Variants in AMOT observed in about 807,000 individuals in gnomAD.
AMOT encodes the protein angiomotin.
AMOT carries 11 observed loss-of-function variants against 67.0 expected under a neutral mutation model. The observed-to-expected ratio is 0.16, with a 90% CI of 0.10 to 0.27. The LOEUF (loss-of-function observed/expected upper bound fraction) is 0.27, where lower values mean the gene tolerates loss of function less well. AMOT is among the 10% of genes least tolerant of loss of function. The pLI is 1.00. For missense variants in AMOT, 753 were observed against 852.0 expected, an observed-to-expected ratio of 0.88 and a Z score of 1.45; for synonymous variants, 326 against 321.4, an observed-to-expected ratio of 1.01 and a Z score of -0.15.
At chrX:112,791,158 T>A (rs1435872028) in intron 9 of AMOT, among the ~76,000 whole-genome samples, 1 of 109,103 alleles carries the variant, frequency 9.2e-6, no homozygotes, top group African/African-American at 3.4e-5. Context: ...GGCAGGTGGA[T>A]CACCTGAGGT....
At chrX:112,820,309 G>A (rs1451328802) in intron 4 of AMOT, among the ~76,000 whole-genome samples, 2 of 111,321 alleles carry the variant, frequency 1.8e-5, no homozygotes, top group Non-Finnish European at 3.8e-5. Context: ...GAAAGAAAGA[G>A]AAATCCACAG....
At chrX:112,831,762 G>C (rs1934994634) in intron 2 of AMOT, among the ~76,000 whole-genome samples, 1 of 109,485 alleles carries the variant, frequency 9.1e-6, no homozygotes, top group Non-Finnish European at 1.9e-5. Context: ...GGTCATAAGA[G>C]AGGGCTGGAC....
chrX:112,794,472 C>T (rs1374551147), intron 8 of AMOT, among the ~76,000 whole-genome samples: 1 of 111,605 alleles, frequency 9.0e-6, no homozygotes, highest in African/African-American at 3.3e-5. Flanking sequence ...GTGCAACTCA[C>T]CCATAAACAT....
At chrX:112,824,905 C>T (rs1934805364) in intron 3 of AMOT, among the ~76,000 whole-genome samples, 167 bp downstream of exon 3, 1 of 110,933 alleles carries the variant, frequency 9.0e-6, no homozygotes, top group Admixed American at 9.6e-5. Flanking sequence ...CAAACCCTCC[C>T]TGTAAGGCAG....
intron 1 of AMOT, among the ~76,000 whole-genome samples, chrX:112,840,104 T>A (rs1270809054): frequency 2.7e-5 from 3 of 111,488 alleles, no homozygotes; most frequent in Non-Finnish European, 5.7e-5. Context: ...ACATGCATGC[T>A]GGGCTAAATG....
chrX:112,819,082 C>T (rs912169399), intron 4 of AMOT, among the ~76,000 whole-genome samples: 1 of 111,095 alleles, frequency 9.0e-6, no homozygotes, highest in African/African-American at 3.3e-5. Flanking sequence ...GGGTACACTC[C>T]TCCCAGAGAC....
At chrX:112,794,155 A>G (rs1933713077) in intron 8 of AMOT, among the ~76,000 whole-genome samples, 1 of 112,004 alleles carries the variant, frequency 8.9e-6, no homozygotes, top group African/African-American at 3.2e-5. Context: ...AACTACTGCA[A>G]TGCAAGCTCA....
intron 5 of AMOT, among the ~76,000 whole-genome samples, chrX:112,812,030 G>A (rs192636731): frequency 2.1e-3 from 233 of 112,170 alleles, no homozygotes; most frequent in African/African-American, 7.3e-3. Context: ...ACTGCCCTCA[G>A]GGAGGTTTCA....
intron 7 of AMOT, among the ~76,000 whole-genome samples, chrX:112,805,904 T>C (rs1285140997): frequency 1.8e-5 from 2 of 111,872 alleles, no homozygotes; most frequent in Non-Finnish European, 3.8e-5. Context: ...GAAAACATCC[T>C]CTATTTGTGA....
At chrX:112,829,600 A>G (rs1934935458) in intron 2 of AMOT, among the ~76,000 whole-genome samples, 1 of 112,215 alleles carries the variant, frequency 8.9e-6, no homozygotes, top group Non-Finnish European at 1.9e-5. Context: ...TTATTTTTGA[A>G]CACCCTATTA....
chrX:112,803,998 T>C (rs1414063007), intron 8 of AMOT, among the ~76,000 whole-genome samples: 1 of 111,479 alleles, frequency 9.0e-6, no homozygotes, highest in Non-Finnish European at 1.9e-5. Context: ...GCAAAACATC[T>C]AAGAGTTAGT....
chrX:112,779,739 T>G (rs1014363755), intron 12 of AMOT, 59 bp from the exon 13 acceptor site: 5 of 765,457 alleles, frequency 6.5e-6, no homozygotes, highest in Non-Finnish European at 9.0e-6. Flanking sequence ...TCCAGACATC[T>G]AATTACCTGT....
In AMOT at chrX:112,776,968, A is replaced by G. The variant is rs1268507251; in HGVS notation, c.*1599T>C. ...TGTGTTGTATGACTTTCAAAAAGTCACTGAACCTCTCCAGTTCTCAGATTC... is the reference window on the plus strand; with the variant it reads ...TGTGTTGTATGACTTTCAAAAAGTCGCTGAACCTCTCCAGTTCTCAGATTC... On this transcript the variant is annotated 3_prime_UTR_variant, in exon 14 of 14. Coordinates refer to ENST00000371959, the MANE Select transcript of AMOT (RefSeq NM_001113490.2). The G allele has an allele frequency of 8.9e-6, 1 of 111,814 alleles. No individual in the cohort carries two copies. Among genetic ancestry groups the G allele is most frequent in the Non-Finnish European group, 1.9e-5 (1 of 53,158 alleles). The allele number at this position is 111,814 out of a possible 1,213,427, so 9.2% of individuals were successfully genotyped here.
chrX:112,832,035 G>A (rs1935003341), intron 2 of AMOT, among the ~76,000 whole-genome samples: 1 of 111,350 alleles, frequency 9.0e-6, no homozygotes, highest in African/African-American at 3.3e-5. Context: ...TGAGTGCCCT[G>A]GTAGCAATCA....
chrX:112,782,529 C>T lies in AMOT; in HGVS notation c.2240+11G>A. ...GTCTCAGATTCCTCAGGGTCCAGAA[C>T]AACATTTTACCTGCCCTCCATGTCA... is the stretch of plus-strand genomic sequence containing the variant. On this transcript the variant is annotated intron_variant, in intron 11 of 13. Transcript: ENST00000371959. 1 of 1,211,219 alleles carries T rather than the reference C, an allele frequency of 8.3e-7. No homozygotes were observed. The highest frequency in any genetic ancestry group is 1.1e-6 in the Non-Finnish European group (1 of 895,249).
chrX:112,809,849 T>A, intron 7 of AMOT, 45 bp downstream of exon 7: 2 of 1,099,497 alleles, frequency 1.8e-6, no homozygotes, highest in Non-Finnish European at 2.5e-6. Context: ...CGCACCTTGC[T>A]CCCATCCACA....
chrX:112,806,838 C>T (rs1395128820), intron 7 of AMOT, among the ~76,000 whole-genome samples: 1 of 112,017 alleles, frequency 8.9e-6, no homozygotes. Context: ...AGTGATATCA[C>T]TGAATTCCAA....
intron 5 of AMOT, among the ~76,000 whole-genome samples, chrX:112,812,522 C>T (rs1193845738): frequency 8.9e-6 from 1 of 111,831 alleles, no homozygotes; most frequent in Non-Finnish European, 1.9e-5. Flanking sequence ...GGGTCTTCCC[C>T]TGAATCAGCC....
intron 13 of AMOT, 126 bp downstream of exon 13, chrX:112,778,871 C>T (rs1188182456): frequency 2.6e-5 from 21 of 795,597 alleles, no homozygotes; most frequent in Non-Finnish European, 3.8e-5. Context: ...ACTCTCTTCT[C>T]TCTCCTTTAG....
Sources: allele counts gnomAD v4.1 joint callset (sites outside exome capture counted in the v4.1 genomes callset), GRCh38; gene constraint gnomAD v4.1.1; transcripts MANE v1.5; gene names NCBI Gene and HGNC (gene_info 2026-07-23, HGNC 2026-07-21).